Variants in SMURF2 observed in about 807,000 individuals in gnomAD.
SMURF2 encodes the protein SMAD specific E3 ubiquitin protein ligase 2, also known as E3 ubiquitin-protein ligase SMURF2.
Under a neutral mutation model 109.6 loss-of-function variants are expected in SMURF2, and 48 were observed. The ratio of observed to expected loss-of-function variants is 0.44; its 90% CI spans 0.35 to 0.56. SMURF2 has a LOEUF of 0.56. SMURF2 is among the 20% of genes least tolerant of loss of function. The pLI, the probability that SMURF2 is intolerant of heterozygous loss-of-function variation, is 0.01. For missense variants in SMURF2, 575 were observed against 909.0 expected, an observed-to-expected ratio of 0.63 and a Z score of 4.72; for synonymous variants, 288 against 317.1, an observed-to-expected ratio of 0.91 and a Z score of 0.97.
At chr17:64,567,669 A>T (rs879949345) in intron 10 of SMURF2, among the ~76,000 whole-genome samples, 1 of 152,146 alleles carries the variant, frequency 6.6e-6, no homozygotes, top group Non-Finnish European at 1.5e-5. Flanking sequence ...ATGAGCTGTT[A>T]AAAAAATCTC....
At chr17:64,560,643 T>C (rs1294968377) in intron 12 of SMURF2, among the ~76,000 whole-genome samples, 1 of 152,066 alleles carries the variant, frequency 6.6e-6, no homozygotes, top group Non-Finnish European at 1.5e-5. Flanking sequence ...TAGAAAAGAA[T>C]TCTTGTAGTA....
chr17:64,594,217 A>C (rs1303118078), intron 3 of SMURF2: 1 of 152,222 alleles, frequency 6.6e-6, no homozygotes, highest in Non-Finnish European at 1.5e-5. Flanking sequence ...ACCCATGCAA[A>C]AAGATAATAA....
chr17:64,610,609 G>A (rs540939956), intron 1 of SMURF2, among the ~76,000 whole-genome samples: 8 of 152,242 alleles, frequency 5.3e-5, no homozygotes, highest in Non-Finnish European at 1.0e-4. Flanking sequence ...GCCTGTTGGC[G>A]GGTTGGGGGT....
Position 64,583,894 on chromosome 17 carries a change from A to C in SMURF2, c.486-350T>G, listed in dbSNP as rs185972816. Among the ~76,000 whole-genome samples the C allele has an allele frequency of 2.0e-5, 3 of 151,808 alleles. No individual in the cohort carries two copies. The East Asian group carries it at 5.8e-4, about 29-fold the overall frequency. The stretch of plus-strand genomic sequence containing the variant: ...AACCATAAAATCACGAGGTCTCTTG[A>C]CTTCGTGATCCACCCGCCTCGGCCT... On this transcript the variant is annotated intron_variant, in intron 6 of 18. Coordinates refer to ENST00000262435, the MANE Select transcript of SMURF2 (RefSeq NM_022739.4).
intron 1 of SMURF2, among the ~76,000 whole-genome samples, chr17:64,643,984 C>G (rs1035180211): frequency 6.6e-6 from 1 of 152,034 alleles, no homozygotes; most frequent in African/African-American, 2.4e-5. Context: ...CGCCACCAAG[C>G]CTGGCTAATT....
intron 15 of SMURF2, 53 bp from the exon 16 acceptor site, chr17:64,551,757 A>G (rs1445106219): frequency 5.6e-6 from 9 of 1,601,894 alleles, no homozygotes; most frequent in Non-Finnish European, 6.8e-6. Flanking sequence ...CAGATCTGGT[A>G]ATTATTATTA....
Position 64,636,619 on chromosome 17 carries a change from A to T in SMURF2, c.52+25210T>A, listed in dbSNP as rs868936360. On this transcript the variant is annotated intron_variant, in intron 1 of 18. Transcript: ENST00000262435. ...CTCTGCCTCAAAAAAAAAAAAAAAA[A>T]AAAAAAAAAATTAGCTGGGCATGGT... Among the ~76,000 whole-genome samples the T allele has an allele frequency of 5.5e-3, 827 of 149,596 alleles. 13 individuals are homozygous for T. Among genetic ancestry groups the T allele is most frequent in the African/African-American group, 0.018 (749 of 40,690 alleles).
intron 9 of SMURF2, among the ~76,000 whole-genome samples, chr17:64,573,636 G>C (rs1223280850): frequency 6.6e-6 from 1 of 152,148 alleles, no homozygotes; most frequent in African/African-American, 2.4e-5. Flanking sequence ...GGGGGACTGA[G>C]TAAAGATGGT....
intron 3 of SMURF2, among the ~76,000 whole-genome samples, chr17:64,597,395 AGAGT>A (rs1969832897): frequency 1.3e-5 from 2 of 152,196 alleles, no homozygotes; most frequent in Non-Finnish European, 2.9e-5. Context: ...CCTGAGCAAT[AGAGT>A]GAGACTGTTT....
chr17:64,623,367 T>C (rs1555690831), intron 1 of SMURF2, among the ~76,000 whole-genome samples: 1 of 152,158 alleles, frequency 6.6e-6, no homozygotes, highest in East Asian at 1.9e-4. Flanking sequence ...CAATAACTAC[T>C]ATAAACACCG....
intron 9 of SMURF2, among the ~76,000 whole-genome samples, chr17:64,576,474 G>A (rs2144630076): frequency 6.6e-6 from 1 of 151,868 alleles, no homozygotes; most frequent in East Asian, 1.9e-4. Flanking sequence ...GACAAGCCTG[G>A]ACAACATGGC....
chr17:64,648,058 TAAAAA>T (rs56131846), intron 1 of SMURF2, among the ~76,000 whole-genome samples: 139 of 17,644 alleles, frequency 7.9e-3, no homozygotes, highest in African/African-American at 0.022. Flanking sequence ...CCCTATCTCT[TAAAAA>T]AAAAAAAAAA....
chr17:64,639,314 C>T (rs1555692396), intron 1 of SMURF2, among the ~76,000 whole-genome samples: 3 of 152,094 alleles, frequency 2.0e-5, no homozygotes. Flanking sequence ...TGGTGAGTCA[C>T]ACCTGTAATC....
At chr17:64,614,391 G>A (rs192708357) in intron 1 of SMURF2, among the ~76,000 whole-genome samples, 189 of 152,216 alleles carry the variant, frequency 1.2e-3, no homozygotes, top group African/African-American at 4.5e-3. Flanking sequence ...TACAAATGTA[G>A]CATTACACCA....
intron 9 of SMURF2, chr17:64,572,990 T>A (rs906808250): frequency 6.6e-6 from 1 of 151,754 alleles, no homozygotes; most frequent in Non-Finnish European, 1.5e-5. Context: ...GGTCATTTCC[T>A]GCCTTAAATG....
chr17:64,569,474 G>A (rs1969367675), intron 10 of SMURF2, among the ~76,000 whole-genome samples: 1 of 151,794 alleles, frequency 6.6e-6, no homozygotes, highest in Non-Finnish European at 1.5e-5. Flanking sequence ...AAAAGTTGAT[G>A]CAGCTGGTCA....
intron 1 of SMURF2, among the ~76,000 whole-genome samples, chr17:64,656,849 C>T (rs2144740390): frequency 6.6e-6 from 1 of 152,216 alleles, no homozygotes; most frequent in Non-Finnish European, 1.5e-5. Flanking sequence ...CCATACTGCT[C>T]CCAGATTGTG....
At chr17:64,618,796 C>G (rs1970158372) in intron 1 of SMURF2, among the ~76,000 whole-genome samples, 1 of 152,138 alleles carries the variant, frequency 6.6e-6, no homozygotes, top group Admixed American at 6.5e-5. Context: ...CACTTTTTGG[C>G]CACTCCCAAG....
chr17:64,642,270 T>C (rs1370603676), intron 1 of SMURF2, among the ~76,000 whole-genome samples: 2 of 152,236 alleles, frequency 1.3e-5, no homozygotes, highest in Non-Finnish European at 2.9e-5. Flanking sequence ...TATGTAATAT[T>C]ACTGTAACTC....
Sources: allele counts gnomAD v4.1 joint callset (sites outside exome capture counted in the v4.1 genomes callset), GRCh38; gene constraint gnomAD v4.1.1; transcripts MANE v1.5; gene names NCBI Gene and HGNC (gene_info 2026-07-23, HGNC 2026-07-21).